VWF: variants seen among roughly 807,000 people sequenced by gnomAD.
VWF encodes the protein Factor VIII related antigen.
Under a neutral mutation model 308.6 loss-of-function variants are expected in VWF, and 176 were observed. The ratio of observed to expected loss-of-function variants is 0.57; its 90% CI spans 0.50 to 0.65. VWF has a LOEUF of 0.65. Ranked by LOEUF, VWF falls within the 30% of genes least tolerant of loss-of-function variation. The pLI is 0.00. For synonymous variants in VWF, 1,385 were observed against 1,443.4 expected (o/e 0.96, Z 0.92); for missense variants, 3,146 against 3,648.2 (o/e 0.86, Z 3.55).
chr12:6,092,607 G>GTT lies in VWF; in HGVS notation c.657+2852_657+2853insAA, dbSNP rs1565386586. On this transcript the variant is annotated intron_variant, in intron 6 of 51. Transcript: ENST00000261405. ...ATGCCACCATGCCCAGCTAGTTAGT[G>GTT]AGTGAGTGAGAGTGTGTGTGTGTGT... Among the ~76,000 whole-genome samples, 83 of 74,566 alleles carry GTT rather than the reference G, an allele frequency of 1.1e-3. 2 individuals are homozygous for GTT. Among genetic ancestry groups the GTT allele is most frequent in the African/African-American group, 7.3e-3 (80 of 10,944 alleles). 48.9% of individuals were successfully genotyped at this position (74,566 alleles called of 152,430 possible). A position where few individuals can be genotyped will look rare whatever the true frequency, so the allele number is the denominator to read the frequency against.
chr12:6,041,439 T>A (rs1226539004), intron 18 of VWF, among the ~76,000 whole-genome samples: 1 of 149,930 alleles, frequency 6.7e-6, no homozygotes, highest in Middle Eastern at 3.2e-3. Context: ...CAAAAAAATT[T>A]TTAAAAAAAA....
chr12:6,053,379 G>A (rs1944540921), intron 15 of VWF, among the ~76,000 whole-genome samples: 1 of 152,186 alleles, frequency 6.6e-6, no homozygotes, highest in African/African-American at 2.4e-5. Flanking sequence ...AGAAGCAGAG[G>A]AAGGATTTGA....
chr12:5,967,449 C>T (rs1943416173), intron 47 of VWF, 37 bp downstream of exon 47: 3 of 1,584,386 alleles, frequency 1.9e-6, no homozygotes, highest in East Asian at 4.5e-5. Context: ...CACACGCGTC[C>T]AGTCCATGCC....
At chr12:5,976,340 C>T (rs893018192) in intron 42 of VWF, 80 bp from the exon 43 acceptor site, 7 of 1,580,888 alleles carry the variant, frequency 4.4e-6, no homozygotes, top group South Asian at 1.1e-5. Context: ...ACACAGAAGC[C>T]GCTCTAAGTG....
At position 6,005,780 on chromosome 12, in the gene VWF, T is replaced by C. The variant is rs546278416; in HGVS notation, c.5842+5837A>G. Among the ~76,000 whole-genome samples, 4 of 152,174 alleles carry C rather than the reference T, an allele frequency of 2.6e-5. No homozygotes were observed. In the South Asian group the frequency reaches 8.3e-4, roughly 32 times the overall value. On this transcript the variant is annotated intron_variant, in intron 34 of 51. Transcript: ENST00000261405. ...GTCTAGCAAAACTGTCTTTCAAAAA[T>C]AGAGGGGAAATAAAGACTTTCTCAT...
At chr12:6,067,867 C>G (rs1265920547) in intron 10 of VWF, among the ~76,000 whole-genome samples, 1 of 152,140 alleles carries the variant, frequency 6.6e-6, no homozygotes, top group African/African-American at 2.4e-5. Flanking sequence ...GCCGTCATGG[C>G]TCATGCCTAT....
In VWF at chr12:5,976,271, A is replaced by C; in HGVS notation, c.7288-11T>G. 6.2e-7 allele frequency: 1 copy of C among 1,614,114 alleles called. No individual in the cohort carries two copies. The highest frequency in any genetic ancestry group is 8.5e-7 in the Non-Finnish European group (1 of 1,180,016). ...TCGGTGGACACACACCTGTAGACAT[A>C]AGTTTTCGTGAGTGAACTCATTTGT... On this transcript the variant is annotated splice_polypyrimidine_tract_variant and intron_variant, in intron 42 of 51. Transcript: ENST00000261405.
chr12:6,072,582 A>G (rs1288274928), intron 8 of VWF, 140 bp from the exon 9 acceptor site: 3 of 721,484 alleles, frequency 4.2e-6, no homozygotes, highest in Admixed American at 2.0e-5. Flanking sequence ...TATCTTTCAC[A>G]TAATGCAATA....
chr12:6,021,832 G>T (rs912140621), intron 27 of VWF, 68 bp downstream of exon 27: 11 of 1,606,784 alleles, frequency 6.8e-6, no homozygotes, highest in East Asian at 2.2e-5. Flanking sequence ...CCAAAACCTA[G>T]TCTCTAAGCT....
At chr12:6,008,256 A>G (rs1943951909) in intron 34 of VWF, among the ~76,000 whole-genome samples, 1 of 152,216 alleles carries the variant, frequency 6.6e-6, no homozygotes, top group Non-Finnish European at 1.5e-5. Flanking sequence ...ATGAACACAG[A>G]TGCAAAAATT....
At chr12:5,964,137 A>G (rs954642823) in intron 47 of VWF, among the ~76,000 whole-genome samples, 1 of 152,026 alleles carries the variant, frequency 6.6e-6, no homozygotes, top group East Asian at 1.9e-4. Flanking sequence ...GAATGGCGTG[A>G]ACCTGGGAGG....
chr12:5,980,969 T>C (rs1220647546), intron 42 of VWF, among the ~76,000 whole-genome samples: 1 of 152,268 alleles, frequency 6.6e-6, no homozygotes, highest in Non-Finnish European at 1.5e-5. Flanking sequence ...TTGGTGGCTC[T>C]TTCACCTATA....
chr12:5,950,630 G>A (rs1565806185), intron 50 of VWF, among the ~76,000 whole-genome samples: 1 of 151,514 alleles, frequency 6.6e-6, no homozygotes, highest in Non-Finnish European at 1.5e-5. Flanking sequence ...ATTGTAAAGG[G>A]AAAGCCTGCC....
At chr12:5,995,519 T>C (rs919115271) in intron 35 of VWF, among the ~76,000 whole-genome samples, 5 of 152,212 alleles carry the variant, frequency 3.3e-5, no homozygotes. Flanking sequence ...TGTAACCTTT[T>C]GTAAGCATTT....
rs763195507 is a variant in VWF, at chr12:6,075,577, G to A, written c.658-26C>T. 16 of 1,603,158 alleles carry A rather than the reference G, an allele frequency of 1.0e-5. No homozygotes were observed. Among genetic ancestry groups the A allele is most frequent in the South Asian group, 3.3e-5 (3 of 89,694 alleles). On this transcript the variant is annotated intron_variant, in intron 6 of 51. Transcript: ENST00000261405. This position sits in a 1 kb window ranked among gnomAD's most constrained non-coding sequence, Gnocchi z 4.7. The stretch of plus-strand genomic sequence containing the variant: ...CTGCAGGAAGAGGGGCCGCCTCAGC[G>A]GTATGCTCCGTTAGTGTCTCCCTGA...
intron 34 of VWF, among the ~76,000 whole-genome samples, chr12:6,008,640 A>G (rs1303298742): frequency 2.6e-5 from 4 of 152,344 alleles, no homozygotes; most frequent in Non-Finnish European, 5.9e-5. Context: ...CACCACTTCT[A>G]TTCAACATAG....
intron 42 of VWF, among the ~76,000 whole-genome samples, chr12:5,981,323 G>C (rs1333359287): frequency 6.6e-6 from 1 of 152,150 alleles, no homozygotes; most frequent in Admixed American, 6.5e-5. Context: ...GAGCCCAGGA[G>C]TCCAAGACCA....
At chr12:6,016,962 G>A in intron 28 of VWF, 92 bp from the exon 29 acceptor site, 1 of 1,394,800 alleles carries the variant, frequency 7.2e-7, no homozygotes. Context: ...GATCTGCAGG[G>A]CGTGCTGACC....
intron 40 of VWF, among the ~76,000 whole-genome samples, chr12:5,983,970 A>G (rs75219269): frequency 0.08 from 11,401 of 142,052 alleles, 626 homozygotes; most frequent in East Asian, 0.26. Flanking sequence ...ATGGATGGAT[A>G]GATGGATAGA....
Sources: allele counts gnomAD v4.1 joint callset (sites outside exome capture counted in the v4.1 genomes callset), GRCh38; gene constraint gnomAD v4.1.1; non-coding constraint Gnocchi (gnomAD v3.1); transcripts MANE v1.5; gene names NCBI Gene and HGNC (gene_info 2026-07-23, HGNC 2026-07-21).